CCDC102B: variants seen among roughly 807,000 people sequenced by gnomAD.
CCDC102B encodes the protein coiled-coil domain containing 102B, also known as coiled-coil domain-containing protein 102B.
In CCDC102B, 75 loss-of-function variants were observed where a neutral mutation model predicts 57.4. The observed-to-expected ratio is 1.31, with a 90% CI of 1.08 to 1.58. CCDC102B has a LOEUF of 1.58. Ranked by LOEUF, CCDC102B falls within the 40% of genes most tolerant of loss-of-function variation. The probability of loss-of-function intolerance (pLI) is 0.00; values close to 1 mark genes in which losing one functional copy is unlikely to be tolerated. For synonymous variants in CCDC102B, 206 were observed against 201.9 expected, an observed-to-expected ratio of 1.02 and a Z score of -0.17; for missense variants, 636 against 582.6, an observed-to-expected ratio of 1.09 and a Z score of -0.94.
chr18:68,940,516 C>T (rs1177069933), intron 6 of CCDC102B, among the ~76,000 whole-genome samples: 1 of 151,792 alleles, frequency 6.6e-6, no homozygotes, highest in African/African-American at 2.4e-5. Context: ...GAAACGCTTA[C>T]TCTACATATA....
intron 1 of CCDC102B, among the ~76,000 whole-genome samples, chr18:68,808,613 G>A (rs1444744158): frequency 6.6e-6 from 1 of 151,680 alleles, no homozygotes; most frequent in African/African-American, 2.4e-5. Context: ...GAGTAGCTGG[G>A]ACTACAGGCG....
At chr18:68,831,618 T>A (rs1012356806) in intron 1 of CCDC102B, among the ~76,000 whole-genome samples, 1 of 152,168 alleles carries the variant, frequency 6.6e-6, no homozygotes, top group Non-Finnish European at 1.5e-5. Flanking sequence ...CTCTGTACAA[T>A]TTAAAAGCCT....
chr18:68,744,537 G>T (rs1045140372), intron 2 of CCDC102B, among the ~76,000 whole-genome samples: 8 of 152,282 alleles, frequency 5.3e-5, no homozygotes, highest in East Asian at 1.9e-4. Context: ...TGGCACATTT[G>T]TTTTGGAGCC....
intron 6 of CCDC102B, among the ~76,000 whole-genome samples, chr18:68,927,389 G>A (rs1272438526): frequency 6.6e-6 from 1 of 151,960 alleles, no homozygotes; most frequent in Non-Finnish European, 1.5e-5. Context: ...CTGGTAGATA[G>A]AGGATACCAT....
At chr18:68,800,854 G>A (rs1055975312) in intron 1 of CCDC102B, among the ~76,000 whole-genome samples, 1 of 152,012 alleles carries the variant, frequency 6.6e-6, no homozygotes, top group Non-Finnish European at 1.5e-5. Flanking sequence ...CAGTAAAAAA[G>A]AATAGAACTT....
chr18:68,778,392 T>C (rs1260685511), intron 2 of CCDC102B, among the ~76,000 whole-genome samples: 2 of 152,146 alleles, frequency 1.3e-5, no homozygotes, highest in Non-Finnish European at 2.9e-5. Flanking sequence ...AATCCTTTCT[T>C]TTAGCTCTGA....
At chr18:68,763,914 G>T (rs1260835371) in intron 2 of CCDC102B, among the ~76,000 whole-genome samples, 1 of 151,858 alleles carries the variant, frequency 6.6e-6, no homozygotes, top group Non-Finnish European at 1.5e-5. Flanking sequence ...ATTACCCTTT[G>T]TTGAATGCCA....
chr18:68,738,300 CAAAGAA>C (rs1035142913), intron 2 of CCDC102B, among the ~76,000 whole-genome samples: 7 of 151,996 alleles, frequency 4.6e-5, no homozygotes, highest in Non-Finnish European at 1.0e-4. Context: ...AAATATGTAG[CAAAGAA>C]TAAGAATAAG....
chr18:69,013,269 C>G (rs1175556870), intron 7 of CCDC102B, among the ~76,000 whole-genome samples: 1 of 151,646 alleles, frequency 6.6e-6, no homozygotes, highest in African/African-American at 2.4e-5. Flanking sequence ...TAACAGAAAG[C>G]ACTCAGACAC....
intron 6 of CCDC102B, among the ~76,000 whole-genome samples, chr18:68,953,355 C>CTTT (rs5825890): frequency 0.022 from 2,799 of 125,460 alleles, 89 homozygotes; most frequent in Admixed American, 0.066. Flanking sequence ...CAATACTTGT[C>CTTT]TTTTTTTTTT....
At chr18:68,907,897 A>T (rs541998464) in intron 6 of CCDC102B, among the ~76,000 whole-genome samples, 1 of 152,156 alleles carries the variant, frequency 6.6e-6, no homozygotes, top group Non-Finnish European at 1.5e-5. Context: ...AACTTTTATC[A>T]TTGATTATTA....
chr18:68,937,427 A>G (rs145489507), intron 6 of CCDC102B, among the ~76,000 whole-genome samples: 3 of 152,162 alleles, frequency 2.0e-5, no homozygotes, highest in African/African-American at 4.8e-5. Flanking sequence ...ATTGTTTGTC[A>G]CTTTGCATAT....
rs1468428268 is a variant in CCDC102B, at chr18:68,837,346, A to G, written c.583A>G (p.Thr195Ala). ...REYLVKRQFS[T>A]KEDTNNKEQG... ...GTATTTGGTAAAAAGACAATTTTCT[A>G]CAAAGGAGGACACAAATAATAAGGT... The change falls in exon 2 of 8, where the codon ACA becomes GCA. Residue 195 changes from threonine (T) to alanine (A), a missense_variant. By Grantham distance (58) the Thr-to-Ala change is moderately conservative (BLOSUM62 0). Coordinates refer to ENST00000360242, the MANE Select transcript of CCDC102B (RefSeq NM_024781.3). The G allele has an allele frequency of 3.2e-5, 51 of 1,609,652 alleles. No homozygotes were observed. The highest frequency in any genetic ancestry group is 4.2e-5 in the Non-Finnish European group (49 of 1,177,730).
intron 7 of CCDC102B, among the ~76,000 whole-genome samples, chr18:69,018,298 C>A (rs571237587): frequency 4.1e-4 from 63 of 152,268 alleles, no homozygotes; most frequent in African/African-American, 1.3e-3. Context: ...GTATAAATTG[C>A]AGGATCATAT....
At chr18:68,715,933 C>T (rs1011532525) in intron 1 of CCDC102B, among the ~76,000 whole-genome samples, 1 of 152,112 alleles carries the variant, frequency 6.6e-6, no homozygotes, top group Non-Finnish European at 1.5e-5. Context: ...AGCCGGTTCA[C>T]CTTAGGTTCA....
chr18:68,901,486 G>C (rs773483769), intron 6 of CCDC102B, among the ~76,000 whole-genome samples: 1 of 152,002 alleles, frequency 6.6e-6, no homozygotes, highest in Non-Finnish European at 1.5e-5. Context: ...GACAGAAGGG[G>C]GGCCAAGAAG....
chr18:68,733,506 A>ATATATATATATATTTT (rs1286743067), intron 2 of CCDC102B, among the ~76,000 whole-genome samples: 1 of 87,644 alleles, frequency 1.1e-5, no homozygotes, highest in East Asian at 2.6e-4. Flanking sequence ...ATATATATAT[A>ATATATATATATATTTT]TTTTTTTAAC....
At chr18:68,939,321 T>A (rs1043967401) in intron 6 of CCDC102B, among the ~76,000 whole-genome samples, 2 of 151,774 alleles carry the variant, frequency 1.3e-5, no homozygotes, top group Non-Finnish European at 1.5e-5. Flanking sequence ...ATGGGAAATT[T>A]TGCATGTTAT....
At chr18:69,025,736 C>G (rs1019736414) in intron 7 of CCDC102B, among the ~76,000 whole-genome samples, 2 of 152,120 alleles carry the variant, frequency 1.3e-5, no homozygotes, top group African/African-American at 4.8e-5. Flanking sequence ...GAAGAAACCA[C>G]TTTTTAAGAA....
Sources: allele counts gnomAD v4.1 joint callset (sites outside exome capture counted in the v4.1 genomes callset), GRCh38; gene constraint gnomAD v4.1.1; transcripts MANE v1.5; gene names NCBI Gene and HGNC (gene_info 2026-07-23, HGNC 2026-07-21).